The following ZNF804B variants were observed in gnomAD, a reference collection of about 807,000 sequenced individuals.
ZNF804B encodes zinc finger protein 804B.
A neutral mutation model predicts 101.4 loss-of-function variants in ZNF804B; 80 were observed. The ratio of observed to expected loss-of-function variants is 0.79; its 90% confidence interval spans 0.66 to 0.95. The LOEUF is 0.95. Ranked by LOEUF, ZNF804B falls within the 40% of genes least tolerant of loss-of-function variation. The pLI, the probability that ZNF804B is intolerant of heterozygous loss-of-function variation, is 0.00. For synonymous variants in ZNF804B, 622 were observed against 558.8 expected, an observed-to-expected ratio of 1.11 and a Z score of -1.59; for missense variants, 1,673 against 1,561.9, an observed-to-expected ratio of 1.07 and a Z score of -1.20.
At chr7:88,988,458 G>T (rs1038448042) in intron 1 of ZNF804B, among the ~76,000 whole-genome samples, 1 of 152,040 alleles carries the variant, frequency 6.6e-6, no homozygotes, top group Non-Finnish European at 1.5e-5. Flanking sequence ...AAGGCAAAGG[G>T]CATCATGCAT....
At chr7:89,151,583 T>G (rs1259769397) in intron 1 of ZNF804B, among the ~76,000 whole-genome samples, 1 of 152,114 alleles carries the variant, frequency 6.6e-6, no homozygotes, top group Non-Finnish European at 1.5e-5. Context: ...ATTATGTGTT[T>G]CTGGCTACAG....
intron 1 of ZNF804B, among the ~76,000 whole-genome samples, chr7:88,822,822 A>T (rs1190735581): frequency 1.3e-5 from 2 of 152,180 alleles, no homozygotes. Flanking sequence ...TTATTTTGAC[A>T]GAGTCCTCTA....
chr7:89,118,046 A>T (rs1790337148), intron 1 of ZNF804B, among the ~76,000 whole-genome samples: 1 of 152,168 alleles, frequency 6.6e-6, no homozygotes, highest in Non-Finnish European at 1.5e-5. Flanking sequence ...GAGAGCAGCA[A>T]AGCACAATCA....
intron 1 of ZNF804B, among the ~76,000 whole-genome samples, chr7:89,212,442 A>G (rs1412702927): frequency 1.3e-5 from 2 of 152,170 alleles, no homozygotes; most frequent in Non-Finnish European, 2.9e-5. Context: ...CCTCTTGTGC[A>G]CATGGGAGAT....
chr7:89,140,312 A>T (rs893220313), intron 1 of ZNF804B, among the ~76,000 whole-genome samples: 7 of 152,032 alleles, frequency 4.6e-5, no homozygotes, highest in Admixed American at 2.6e-4. Flanking sequence ...CGGAATGGTA[A>T]AGGTGCATTG....
At chr7:89,153,001 T>C (rs193056926) in intron 1 of ZNF804B, among the ~76,000 whole-genome samples, 1 of 152,220 alleles carries the variant, frequency 6.6e-6, no homozygotes, top group Admixed American at 6.5e-5. Flanking sequence ...GTCATAAATC[T>C]TTGTAAATAA....
rs1789351078 is a variant in ZNF804B, at chr7:89,059,847, G to C, written c.109-158308G>C. On this transcript the variant is annotated intron_variant, in intron 1 of 3. Coordinates refer to ENST00000333190, the MANE Select transcript of ZNF804B (RefSeq NM_181646.5). ...GTTTCTAGAGGATATTAGTGTGTGA[G>C]GTTGAGCAGACTAGATGGGACATGC... 2.6e-5 allele frequency among the ~76,000 whole-genome samples: 4 copies of C among 152,204 alleles called. No individual in the cohort carries two copies. In the South Asian group the frequency reaches 8.3e-4, roughly 32 times the overall value.
At position 89,218,203 on chromosome 7, in the gene ZNF804B, G is replaced by T; in HGVS notation, c.157G>T (p.Ala53Ser). The change falls in exon 2 of 4, where the codon GCA becomes TCA. Residue 53 changes from alanine (A) to serine (S), a missense_variant. Physicochemically the swap from Ala to Ser is moderately conservative, Grantham distance 99. Coordinates refer to ENST00000333190, the MANE Select transcript of ZNF804B (RefSeq NM_181646.5). ...AGCAAAGGCCCTGGAAGATGTAAAG[G>T]CAAACTTTTACTGTGAATTATGTGA... The part of the protein sequence containing the change: ...STAKALEDVK[A>S]NFYCELCDKQ... The T allele has an allele frequency of 1.9e-6, 3 of 1,613,792 alleles. No individual in the cohort carries two copies. The highest frequency in any genetic ancestry group is 2.5e-6 in the Non-Finnish European group (3 of 1,179,822).
chr7:88,931,675 T>G (rs79388421), intron 1 of ZNF804B, among the ~76,000 whole-genome samples: 2 of 151,892 alleles, frequency 1.3e-5, no homozygotes, highest in African/African-American at 4.8e-5. Flanking sequence ...CTCCCTTTGA[T>G]TGTATGCTCC....
At chr7:88,995,512 G>A (rs537014759) in intron 1 of ZNF804B, among the ~76,000 whole-genome samples, 1 of 152,072 alleles carries the variant, frequency 6.6e-6, no homozygotes, top group South Asian at 2.1e-4. Flanking sequence ...GTACAAATCA[G>A]GCACATTGTA....
intron 1 of ZNF804B, among the ~76,000 whole-genome samples, chr7:88,857,529 C>G (rs568656503): frequency 7.9e-5 from 12 of 152,192 alleles, no homozygotes; most frequent in African/African-American, 2.9e-4. Flanking sequence ...TGGATAAATT[C>G]CTGGACACCT....
chr7:88,985,848 A>G (rs984563163), intron 1 of ZNF804B, among the ~76,000 whole-genome samples: 1 of 152,124 alleles, frequency 6.6e-6, no homozygotes, highest in African/African-American at 2.4e-5. Flanking sequence ...GTCATTATGT[A>G]CTTGCCAAGA....
chr7:89,041,176 C>T (rs1019906603), intron 1 of ZNF804B, among the ~76,000 whole-genome samples: 14 of 152,050 alleles, frequency 9.2e-5, no homozygotes, highest in African/African-American at 2.7e-4. Flanking sequence ...AAGCCTGATT[C>T]GAAGGGGCTT....
intron 3 of ZNF804B, 129 bp downstream of exon 3, chr7:89,327,603 T>G: frequency 8.4e-7 from 1 of 1,193,572 alleles, no homozygotes; most frequent in Non-Finnish European, 1.1e-6. Context: ...AGGGCAAATA[T>G]AGTTAAACAT....
chr7:88,768,087 AGAAT>A (rs1172014123), intron 1 of ZNF804B, among the ~76,000 whole-genome samples: 1 of 152,230 alleles, frequency 6.6e-6, no homozygotes, highest in Non-Finnish European at 1.5e-5. Context: ...AAATATCTGT[AGAAT>A]GAATGAACGG....
At chr7:89,280,485 G>A (rs919815265) in intron 2 of ZNF804B, among the ~76,000 whole-genome samples, 8 of 152,056 alleles carry the variant, frequency 5.3e-5, no homozygotes, top group African/African-American at 1.9e-4. Context: ...TTTTTTGAAA[G>A]GATCAACAAA....
intron 1 of ZNF804B, among the ~76,000 whole-genome samples, chr7:89,005,363 C>T (rs13221350): frequency 0.16 from 23,643 of 151,644 alleles, 3,158 homozygotes; most frequent in African/African-American, 0.35. Context: ...GTTGTTGTTC[C>T]TTTTATAGTT....
intron 1 of ZNF804B, among the ~76,000 whole-genome samples, chr7:88,789,028 A>G (rs1790342228): frequency 6.6e-6 from 1 of 152,266 alleles, no homozygotes; most frequent in Admixed American, 6.5e-5. Flanking sequence ...TCTCTTTTAC[A>G]TTTCTGCCTA....
intron 1 of ZNF804B, among the ~76,000 whole-genome samples, chr7:89,207,246 T>G (rs1208364554): frequency 6.6e-6 from 1 of 152,202 alleles, no homozygotes. Context: ...AATAAAGACA[T>G]ACCTAAGACT....
Sources: allele counts gnomAD v4.1 joint callset (sites outside exome capture counted in the v4.1 genomes callset), GRCh38; gene constraint gnomAD v4.1.1; transcripts MANE v1.5; gene names NCBI Gene and HGNC (gene_info 2026-07-23, HGNC 2026-07-21).